Variants in FBXL7 observed in about 807,000 individuals in gnomAD.
FBXL7 encodes the protein F-box and leucine rich repeat protein 7.
Under a neutral mutation model 38.3 loss-of-function variants are expected in FBXL7, and 12 were observed. The ratio of observed to expected loss-of-function variants is 0.31; its 90% confidence interval spans 0.20 to 0.51. The LOEUF is 0.51. Ranked by LOEUF, FBXL7 falls within the 20% of genes least tolerant of loss-of-function variation. The probability of loss-of-function intolerance (pLI) is 0.98; values close to 1 mark genes in which losing one functional copy is unlikely to be tolerated. For synonymous variants in FBXL7, 297 were observed against 300.9 expected, an observed-to-expected ratio of 0.99 and a Z score of 0.13; for missense variants, 567 against 676.4, an observed-to-expected ratio of 0.84 and a Z score of 1.79.
At chr5:15,540,543 G>T (rs1737711432) in intron 1 of FBXL7, among the ~76,000 whole-genome samples, 1 of 152,120 alleles carries the variant, frequency 6.6e-6, no homozygotes, top group Non-Finnish European at 1.5e-5. Context: ...AGAAGAAAAA[G>T]AATAAAGGTA....
intron 2 of FBXL7, among the ~76,000 whole-genome samples, chr5:15,882,230 A>G (rs901096299): frequency 6.6e-6 from 1 of 152,118 alleles, no homozygotes; most frequent in Non-Finnish European, 1.5e-5. Flanking sequence ...ACAGATTTAA[A>G]CTCTTATCAC....
At chr5:15,775,509 AC>A (rs1269003177) in intron 2 of FBXL7, among the ~76,000 whole-genome samples, 2 of 152,014 alleles carry the variant, frequency 1.3e-5, no homozygotes, top group Non-Finnish European at 2.9e-5. Flanking sequence ...TACTTTTGAT[AC>A]CTGCCCATAT....
chr5:15,817,611 G>T (rs992825725), intron 2 of FBXL7, among the ~76,000 whole-genome samples: 2 of 152,116 alleles, frequency 1.3e-5, no homozygotes, highest in Non-Finnish European at 2.9e-5. Context: ...AGTCATGGGG[G>T]TGGTTTTTCC....
At chr5:15,932,375 AC>A (rs1481925154) in intron 3 of FBXL7, among the ~76,000 whole-genome samples, 1 of 152,174 alleles carries the variant, frequency 6.6e-6, no homozygotes, top group East Asian at 1.9e-4. Flanking sequence ...TAACCATCTG[AC>A]ACCCCAGAAG....
chr5:15,715,045 G>A (rs1743998915), intron 2 of FBXL7, among the ~76,000 whole-genome samples: 1 of 152,106 alleles, frequency 6.6e-6, no homozygotes, highest in South Asian at 2.1e-4. Context: ...ACGCAGTCCT[G>A]CCAACACCTT....
intron 1 of FBXL7, among the ~76,000 whole-genome samples, chr5:15,609,082 A>G (rs1740131347): frequency 6.6e-6 from 1 of 152,154 alleles, no homozygotes; most frequent in Admixed American, 6.5e-5. Context: ...AACACTGTAA[A>G]CCACAGATTC....
chr5:15,781,727 A>G (rs930098068), intron 2 of FBXL7, among the ~76,000 whole-genome samples: 1 of 152,150 alleles, frequency 6.6e-6, no homozygotes, highest in Non-Finnish European at 1.5e-5. Context: ...AGTGGAAGCA[A>G]TATGCATAGC....
intron 2 of FBXL7, among the ~76,000 whole-genome samples, chr5:15,783,348 C>T (rs1737048010): frequency 6.6e-6 from 1 of 151,998 alleles, no homozygotes; most frequent in Admixed American, 6.6e-5. Context: ...ATGAGAAGGT[C>T]CTGGGTGTGA....
intron 1 of FBXL7, among the ~76,000 whole-genome samples, chr5:15,585,071 A>C (rs1739263943): frequency 6.6e-6 from 1 of 152,230 alleles, no homozygotes; most frequent in African/African-American, 2.4e-5. Context: ...ATTAATTATT[A>C]AGAATTAAAA....
intron 1 of FBXL7, among the ~76,000 whole-genome samples, chr5:15,582,093 A>G (rs969806468): frequency 1.3e-5 from 2 of 152,052 alleles, no homozygotes; most frequent in African/African-American, 2.4e-5. Context: ...ATGTGCCACC[A>G]TGCCTGGCTA....
chr5:15,897,598 C>G (rs1741135573), intron 2 of FBXL7, among the ~76,000 whole-genome samples: 3 of 151,988 alleles, frequency 2.0e-5, no homozygotes. Context: ...ACATAAATTC[C>G]CAAGGATGAG....
chr5:15,747,062 G>C (rs1736035120), intron 2 of FBXL7, among the ~76,000 whole-genome samples: 1 of 152,190 alleles, frequency 6.6e-6, no homozygotes. Context: ...CTGGGAATGA[G>C]TGTGGAGGGA....
chr5:15,588,094 A>G (rs542067390), intron 1 of FBXL7, among the ~76,000 whole-genome samples: 1 of 152,318 alleles, frequency 6.6e-6, no homozygotes, highest in Non-Finnish European at 1.5e-5. Context: ...AACTGAGGTC[A>G]CTGAGGTAAA....
Position 15,607,419 on chromosome 5 carries a change from C to T in FBXL7, c.38-8564C>T, listed in dbSNP as rs139643639. The stretch of plus-strand genomic sequence containing the variant: ...TTAAGAGTGTTGGTAACCATATGAC[C>T]CCACTGATTTGTTTTCTGTTATGCC... On this transcript the variant is annotated intron_variant, in intron 1 of 3. Transcript: ENST00000504595. 718 of 152,122 alleles carry T rather than the reference C, an allele frequency of 4.7e-3. 5 individuals are homozygous for T. Among genetic ancestry groups the T allele is most frequent in the African/African-American group, 0.017 (698 of 41,486 alleles). 9.4% of individuals were successfully genotyped at this position (152,122 alleles called of 1,614,324 possible). A position where few individuals can be genotyped will look rare whatever the true frequency, so the allele number is the denominator to read the frequency against.
At chr5:15,826,452 T>G (rs1010314768) in intron 2 of FBXL7, among the ~76,000 whole-genome samples, 2 of 152,190 alleles carry the variant, frequency 1.3e-5, no homozygotes, top group African/African-American at 4.8e-5. Context: ...AAAGTCTCAC[T>G]CTGTCACCCA....
In FBXL7 at chr5:15,928,226, G is replaced by A. The variant is rs1741942714; in HGVS notation, c.464G>A (p.Arg155Lys). The A allele has an allele frequency of 6.2e-7, 1 of 1,610,802 alleles. No individual in the cohort carries two copies. Among genetic ancestry groups the A allele is most frequent in the African/African-American group, 1.3e-5 (1 of 74,868 alleles). ...YNLAWDPRLWRTIRLTGETIN... is the reference protein window; with the variant it reads ...YNLAWDPRLWKTIRLTGETIN... ...CTGGCCTGGGACCCGCGGCTCTGGA[G>A]GACTATCCGCCTGACGGGCGAGACC... Residue 155 changes from arginine (R) to lysine (K), a missense_variant, in exon 3 of 4, where the codon AGG (arginine) becomes AAG (lysine). Coordinates refer to ENST00000504595, the MANE Select transcript of FBXL7 (RefSeq NM_012304.5). The surrounding 1 kb of genome is among the most constrained non-coding windows in gnomAD (Gnocchi z 4.0).
chr5:15,845,097 C>T (rs1561148967), intron 2 of FBXL7, among the ~76,000 whole-genome samples: 1 of 152,226 alleles, frequency 6.6e-6, no homozygotes, highest in Non-Finnish European at 1.5e-5. Flanking sequence ...CCCACTTTCT[C>T]TTCTGCCTTG....
chr5:15,732,833 C>T (rs1319148121), intron 2 of FBXL7, among the ~76,000 whole-genome samples: 7 of 152,174 alleles, frequency 4.6e-5, no homozygotes, highest in African/African-American at 1.7e-4. Flanking sequence ...GCACTTTAAT[C>T]TGGAAAGGGC....
Position 15,707,029 on chromosome 5 carries a change from C to T in FBXL7, c.127+90957C>T, listed in dbSNP as rs137983584. On this transcript the variant is annotated intron_variant, in intron 2 of 3. Transcript: ENST00000504595. ...CAGCTGGGCATATTAAAATTTAAGC[C>T]TTCACTTTACAGAATGCCGACCTGG... Among the ~76,000 whole-genome samples, 201 of 152,180 alleles carry T rather than the reference C, an allele frequency of 1.3e-3. 1 individual carries two copies. The highest frequency in any genetic ancestry group is 4.7e-3 in the African/African-American group (193 of 41,504).
Sources: allele counts gnomAD v4.1 joint callset (sites outside exome capture counted in the v4.1 genomes callset), GRCh38; gene constraint gnomAD v4.1.1; non-coding constraint Gnocchi (gnomAD v3.1); transcripts MANE v1.5; gene names NCBI Gene and HGNC (gene_info 2026-07-23, HGNC 2026-07-21).